TRAPPC8: variants seen among roughly 807,000 people sequenced by gnomAD.
The protein encoded by TRAPPC8 is trafficking protein particle complex subunit 8.
In TRAPPC8, 54 loss-of-function variants were observed where a neutral mutation model predicts 174.3. The observed-to-expected ratio is 0.31, with a 90% CI of 0.25 to 0.39. The LOEUF (loss-of-function observed/expected upper bound fraction) is 0.39. TRAPPC8 is among the 10% of genes least tolerant of loss of function. TRAPPC8 has a pLI of 1.00. For missense variants in TRAPPC8, 1,531 were observed against 1,699.1 expected (o/e 0.90, Z 1.74); for synonymous variants, 630 against 579.9 (o/e 1.09, Z -1.24).
rs1456645588 is a variant in TRAPPC8, at chr18:31,890,864, A to G, written c.1599T>C (p.Asp533=). The change falls in exon 12 of 29, where the codon GAT becomes GAC. Residue 533 remains aspartate, a splice_region_variant and synonymous_variant. Coordinates refer to ENST00000283351, the MANE Select transcript of TRAPPC8 (RefSeq NM_014939.5). ...AALLIRLTSE[D]SDLRSALLLE... ...AAAGAAGTGCACTTCGAAGATCAGA[A>G]TCCTAGTGAATGTTTAAAAGAGAAA... 5.6e-6 allele frequency: 9 copies of G among 1,603,172 alleles called. No individual in the cohort carries two copies. Among genetic ancestry groups the G allele is most frequent in the Non-Finnish European group, 7.7e-6 (9 of 1,175,854 alleles).
Position 31,830,599 on chromosome 18 carries a change from C to T in TRAPPC8, c.*156G>A, listed in dbSNP as rs1188051994. The T allele has an allele frequency of 3.1e-5, 19 of 617,944 alleles. No individual in the cohort carries two copies. Among genetic ancestry groups the T allele is most frequent in the Middle Eastern group, 4.0e-4 (1 of 2,484 alleles). 38.3% of individuals were successfully genotyped at this position (617,944 alleles called of 1,614,324 possible). On this transcript the variant is annotated 3_prime_UTR_variant, in exon 29 of 29. Coordinates refer to ENST00000283351, the MANE Select transcript of TRAPPC8 (RefSeq NM_014939.5). ...AGAATGTTAAGTATTCTCAGTCCAACGTGCTTTGCATCATCAACAAAATGA... is the reference window on the plus strand; with the variant it reads ...AGAATGTTAAGTATTCTCAGTCCAATGTGCTTTGCATCATCAACAAAATGA...
chr18:31,859,543 AAT>A (rs72082291), intron 19 of TRAPPC8, among the ~76,000 whole-genome samples: 38,121 of 152,020 alleles, frequency 0.25, 5,313 homozygotes, highest in South Asian at 0.52. Flanking sequence ...CAAAAAGTGA[AAT>A]AGAGTATTCA....
chr18:31,850,758 T>C (rs984311883), intron 24 of TRAPPC8, among the ~76,000 whole-genome samples: 1 of 152,230 alleles, frequency 6.6e-6, no homozygotes, highest in Non-Finnish European at 1.5e-5. Flanking sequence ...TGGCAAGTTC[T>C]ATTTATTCAA....
chr18:31,856,807 C>CTTTTTTTTTTTT (rs79712667), intron 20 of TRAPPC8, among the ~76,000 whole-genome samples: 1 of 109,940 alleles, frequency 9.1e-6, no homozygotes, highest in Non-Finnish European at 1.8e-5. Flanking sequence ...ATGCTAAAAT[C>CTTTTTTTTTTTT]TTTTTTTTTT....
rs2032261005 is a variant in TRAPPC8 at position 31,829,991 on chromosome 18, T to A, written c.*764A>T. 6.5e-6 allele frequency: 1 copy of A among 152,674 alleles called. No homozygotes were observed. The highest frequency in any genetic ancestry group is 1.5e-5 in the Non-Finnish European group (1 of 68,046). The allele number at this position is 152,674 out of a possible 1,614,324, so 9.5% of individuals were successfully genotyped here. A position where few individuals can be genotyped will look rare whatever the true frequency, so the allele number is the denominator to read the frequency against. ...ATTTACAGTATATTTGTTATAAATA[T>A]AATACATTTTTGAAAAGCTTATTTT... On this transcript the variant is annotated 3_prime_UTR_variant, in exon 29 of 29. Coordinates refer to ENST00000283351, the MANE Select transcript of TRAPPC8 (RefSeq NM_014939.5).
intron 12 of TRAPPC8, among the ~76,000 whole-genome samples, chr18:31,876,384 G>A (rs529947467): frequency 1.3e-5 from 2 of 150,306 alleles, no homozygotes; most frequent in African/African-American, 2.5e-5. Flanking sequence ...CAGCTACTCA[G>A]GAGGCTGAGG....
chr18:31,909,020 AAG>A lies in TRAPPC8; in HGVS notation c.866-12_866-11del, dbSNP rs1250384668. On this transcript the variant is annotated splice_polypyrimidine_tract_variant and intron_variant, in intron 6 of 28. Transcript: ENST00000283351. ...TTATTTGGTAAGCCATCTACTGAAA[AAG>A]AGATTATTTCTTTTACTCTCAGAAT... The A allele has an allele frequency of 1.3e-6, 2 of 1,592,750 alleles. No homozygotes were observed. Among genetic ancestry groups the A allele is most frequent in the East Asian group, 2.2e-5 (1 of 44,528 alleles).
chr18:31,901,222 C>T (rs1278490897), intron 9 of TRAPPC8, among the ~76,000 whole-genome samples, 197 bp from the exon 10 acceptor site: 1 of 151,458 alleles, frequency 6.6e-6, no homozygotes, highest in Middle Eastern at 3.2e-3. Flanking sequence ...TGATCTGACT[C>T]TGGAAGGACT....
rs762801098 is a variant in TRAPPC8, at chr18:31,931,316, C to A, written c.352+13G>T. The stretch of plus-strand genomic sequence containing the variant: ...ATTTCACTCAAAAAATAACAATAAA[C>A]CTTGTTACATACCACTGATGTTAAG... On this transcript the variant is annotated intron_variant, in intron 2 of 28. Transcript: ENST00000283351. The A allele has an allele frequency of 6.6e-7, 1 of 1,510,750 alleles. No homozygotes were observed. The highest frequency in any genetic ancestry group is 1.3e-5 in the South Asian group (1 of 75,694). 93.6% of individuals were successfully genotyped at this position (1,510,750 alleles called of 1,614,324 possible).
At chr18:31,900,857 G>GA (rs562971718) in intron 10 of TRAPPC8, 68 bp downstream of exon 10, 98,322 of 969,600 alleles carry the variant, frequency 0.1, 440 homozygotes, top group African/African-American at 0.16. Context: ...TAGGAATGGG[G>GA]AAAAAAAAAA....
intron 1 of TRAPPC8, among the ~76,000 whole-genome samples, chr18:31,933,590 C>T (rs1384536366): frequency 6.6e-6 from 1 of 152,116 alleles, no homozygotes; most frequent in Non-Finnish European, 1.5e-5. Context: ...TACAACATCA[C>T]CTATTTCACC....
Position 31,846,726 on chromosome 18 carries a change from G to C in TRAPPC8, c.3827C>G (p.Pro1276Arg). 1.9e-6 allele frequency: 3 copies of C among 1,608,992 alleles called. No individual in the cohort carries two copies. The highest frequency in any genetic ancestry group is 2.5e-6 in the Non-Finnish European group (3 of 1,176,570). Reference sequence around the variant, plus strand: ...AAACTATGTTATCACCTGTTTCTGAGGATATGAAAAGGCTTCTTTTCCTAT... The same window carrying C: ...AAACTATGTTATCACCTGTTTCTGACGATATGAAAAGGCTTCTTTTCCTAT... ...RTIGKEAFSYPQKQEPPEMEL... is the reference protein window; with the variant it reads ...RTIGKEAFSYRQKQEPPEMEL... Residue 1276 changes from proline (P) to arginine (R), a missense_variant, in exon 26 of 29, where the codon CCT (proline) becomes CGT (arginine). Physicochemically the swap from Pro to Arg is moderately radical, Grantham distance 103. Coordinates refer to ENST00000283351, the MANE Select transcript of TRAPPC8 (RefSeq NM_014939.5).
At chr18:31,897,184 T>C (rs1016532628) in intron 11 of TRAPPC8, among the ~76,000 whole-genome samples, 2 of 152,196 alleles carry the variant, frequency 1.3e-5, no homozygotes, top group Non-Finnish European at 2.9e-5. Context: ...ACAGTACTTA[T>C]AAAGGAATTA....
At chr18:31,855,882 AG>A (rs951312225) in intron 20 of TRAPPC8, 75 bp from the exon 21 acceptor site, 2 of 1,481,280 alleles carry the variant, frequency 1.4e-6, no homozygotes, top group African/African-American at 2.9e-5. Context: ...TTCCAAATAA[AG>A]ATTTTAAAAA....
intron 4 of TRAPPC8, among the ~76,000 whole-genome samples, chr18:31,914,025 T>C (rs1280588725): frequency 1.3e-5 from 2 of 150,554 alleles, no homozygotes; most frequent in East Asian, 2.0e-4. Context: ...TAACCAAAAA[T>C]GGTGGCACAC....
chr18:31,920,657 T>C (rs181553192), intron 2 of TRAPPC8, among the ~76,000 whole-genome samples: 19 of 151,040 alleles, frequency 1.3e-4, no homozygotes, highest in African/African-American at 3.6e-4. Context: ...TACAAAAAAA[T>C]GGCCAGGCAC....
At chr18:31,867,050 T>C in intron 17 of TRAPPC8, 75 bp from the exon 18 acceptor site, 3 of 1,488,020 alleles carry the variant, frequency 2.0e-6, no homozygotes, top group South Asian at 1.3e-5. Context: ...TTCTATAATG[T>C]TGCAAAAACA....
At chr18:31,858,245 T>C (rs1320535516) in intron 19 of TRAPPC8, among the ~76,000 whole-genome samples, 1 of 91,122 alleles carries the variant, frequency 1.1e-5, no homozygotes, top group African/African-American at 4.4e-5. Flanking sequence ...AGGGCTAACA[T>C]GTCAAAATTT....
At chr18:31,868,881 T>C (rs561409120) in intron 16 of TRAPPC8, among the ~76,000 whole-genome samples, 3 of 152,206 alleles carry the variant, frequency 2.0e-5, no homozygotes, top group African/African-American at 7.2e-5. Flanking sequence ...TTTTAAATTT[T>C]TGTAGAGATG....
Sources: gnomAD v4.1 joint callset for allele counts (sites outside exome capture counted in the v4.1 genomes callset) on GRCh38, gnomAD v4.1.1 for gene constraint, MANE v1.5 for transcripts, NCBI Gene and HGNC (gene_info 2026-07-23, HGNC 2026-07-21) for gene names.